Variants in MACROD2 observed in about 807,000 individuals in gnomAD.
MACROD2 encodes the protein ADP-ribose glycohydrolase MACROD2.
MACROD2 carries 36 observed loss-of-function variants against 70.4 expected under a neutral mutation model. The ratio of observed to expected loss-of-function variants is 0.51; its 90% CI spans 0.39 to 0.68. MACROD2 has a LOEUF of 0.68. Ranked by LOEUF, MACROD2 falls within the 30% of genes least tolerant of loss-of-function variation. The pLI is 0.00. For synonymous variants in MACROD2, 172 were observed against 178.8 expected, an observed-to-expected ratio of 0.96 and a Z score of 0.30; for missense variants, 496 against 538.4, an observed-to-expected ratio of 0.92 and a Z score of 0.78.
intron 3 of MACROD2, among the ~76,000 whole-genome samples, chr20:14,113,054 A>G (rs189576377): frequency 3.9e-5 from 6 of 152,112 alleles, no homozygotes; most frequent in Non-Finnish European, 8.8e-5. Flanking sequence ...GGTTTATTAA[A>G]CTTGGTGTTG....
At position 15,165,930 on chromosome 20, in the gene MACROD2, A is replaced by G. The variant is rs935840970; in HGVS notation, c.419-64010A>G. On this transcript the variant is annotated intron_variant, in intron 5 of 17. Transcript: ENST00000684519. ...TAAATGCAATGAAAAGGAAGAAACT[A>G]TGGATACATATTACAACATAGATGA... Among the ~76,000 whole-genome samples the G allele has an allele frequency of 2.6e-5, 4 of 152,198 alleles. No individual in the cohort carries two copies. The East Asian group carries it at 5.8e-4, about 22-fold the overall frequency.
chr20:15,737,451 A>G (rs2051039157), intron 8 of MACROD2, among the ~76,000 whole-genome samples: 1 of 152,236 alleles, frequency 6.6e-6, no homozygotes, highest in African/African-American at 2.4e-5. Flanking sequence ...TGCGTGTGCC[A>G]CATGCCAAGC....
At chr20:15,223,818 A>G (rs2076881746) in intron 5 of MACROD2, among the ~76,000 whole-genome samples, 1 of 152,210 alleles carries the variant, frequency 6.6e-6, no homozygotes, top group Non-Finnish European at 1.5e-5. Context: ...GGTGAGGTCT[A>G]GGTCCTTCCA....
Position 14,085,700 on chromosome 20 carries a change from G to A in MACROD2, c.243G>A (p.Leu81=). The A allele has an allele frequency of 6.4e-7, 1 of 1,563,508 alleles. No homozygotes were observed. The highest frequency in any genetic ancestry group is 1.3e-5 in the South Asian group (1 of 79,278). Residue 81 remains leucine, a synonymous_variant, in exon 3 of 18, where the codon TTG becomes TTA. Coordinates refer to ENST00000684519, the MANE Select transcript of MACROD2 (RefSeq NM_001351661.2). The part of the protein sequence containing the change: ...KVSLYRGDIT[L]LEVDAIVNAA... ...CTCTCTATAGAGGTGACATCACATT[G>A]CTAGAGGTAGATGCTATAGTCAATG...
At chr20:14,439,567 A>G (rs1170187209) in intron 3 of MACROD2, among the ~76,000 whole-genome samples, 1 of 152,184 alleles carries the variant, frequency 6.6e-6, no homozygotes, top group African/African-American at 2.4e-5. Context: ...GGTATGGATC[A>G]TAGGCTCCAG....
rs2050945694 is a variant in MACROD2, at chr20:15,731,740, C to G, written c.646-131005C>G. 3.9e-5 allele frequency among the ~76,000 whole-genome samples: 2 copies of G among 51,040 alleles called. 1 individual carries two copies. Among genetic ancestry groups the G allele is most frequent in the Non-Finnish European group, 1.1e-4 (2 of 18,686 alleles). The allele number at this position is 51,040 out of a possible 152,430, so 33.5% of individuals were successfully genotyped here. On this transcript the variant is annotated intron_variant, in intron 8 of 17. Coordinates refer to ENST00000684519, the MANE Select transcript of MACROD2 (RefSeq NM_001351661.2). ...GATACTGGCAGAAACGAGTTTGCAGCATTCTTTTTTTTCTTTTTATTTTTT... is the reference window on the plus strand; with the variant it reads ...GATACTGGCAGAAACGAGTTTGCAGGATTCTTTTTTTTCTTTTTATTTTTT...
At chr20:14,637,166 C>G (rs1482756687) in intron 4 of MACROD2, among the ~76,000 whole-genome samples, 1 of 152,144 alleles carries the variant, frequency 6.6e-6, no homozygotes, top group Non-Finnish European at 1.5e-5. Flanking sequence ...CAGAAAGATT[C>G]CATCAAACAC....
At chr20:15,591,059 A>G (rs1020922316) in intron 8 of MACROD2, among the ~76,000 whole-genome samples, 2 of 152,224 alleles carry the variant, frequency 1.3e-5, no homozygotes, top group African/African-American at 4.8e-5. Context: ...TTTCTTTTAC[A>G]GGAAATTGAC....
intron 8 of MACROD2, among the ~76,000 whole-genome samples, chr20:15,600,167 T>C (rs1232570400): frequency 6.6e-6 from 1 of 152,122 alleles, no homozygotes; most frequent in African/African-American, 2.4e-5. Context: ...ACTAAGCCAC[T>C]GGAGCAAGGC....
chr20:15,995,393 AG>A (rs1363406920), intron 15 of MACROD2, among the ~76,000 whole-genome samples: 5 of 150,924 alleles, frequency 3.3e-5, no homozygotes. Context: ...TCTGTCACCC[AG>A]GCTGGAGTGC....
Position 15,431,394 on chromosome 20 carries a change from T to C in MACROD2, c.541-11T>C. 7 of 1,609,186 alleles carry C rather than the reference T, an allele frequency of 4.4e-6. No homozygotes were observed. Among genetic ancestry groups the C allele is most frequent in the Non-Finnish European group, 6.0e-6 (7 of 1,176,154 alleles). On this transcript the variant is annotated splice_polypyrimidine_tract_variant and intron_variant, in intron 6 of 17. Transcript: ENST00000684519. ...TTAATATTCATTGTTATTTTTGTGG[T>C]TTATTCACAGGCATTTCCCTGCATC...
At chr20:15,345,326 G>A (rs4334556) in intron 6 of MACROD2, among the ~76,000 whole-genome samples, 27,373 of 152,100 alleles carry the variant, frequency 0.18, 2,726 homozygotes, top group Non-Finnish European at 0.23. Context: ...TACTGTCCTA[G>A]GTTCTTGTAT....
intron 5 of MACROD2, among the ~76,000 whole-genome samples, chr20:14,797,057 A>T (rs953318231): frequency 6.6e-6 from 1 of 151,826 alleles, no homozygotes; most frequent in Non-Finnish European, 1.5e-5. Context: ...AAAAATCTCG[A>T]TTTTATACTC....
At chr20:14,426,004 C>T (rs2122911511) in intron 3 of MACROD2, among the ~76,000 whole-genome samples, 1 of 152,052 alleles carries the variant, frequency 6.6e-6, no homozygotes, top group East Asian at 1.9e-4. Context: ...GTTTTTTCTC[C>T]TCTGGAAGCT....
chr20:14,950,556 C>A (rs967874357), intron 5 of MACROD2, among the ~76,000 whole-genome samples: 1 of 152,174 alleles, frequency 6.6e-6, no homozygotes, highest in African/African-American at 2.4e-5. Flanking sequence ...GAACTAGAGA[C>A]ATAGGCAAGC....
At chr20:15,280,267 A>AT (rs145676186) in intron 6 of MACROD2, among the ~76,000 whole-genome samples, 3,211 of 152,304 alleles carry the variant, frequency 0.021, 103 homozygotes, top group African/African-American at 0.071. Flanking sequence ...AAACAGAGCC[A>AT]TTTAAATGTG....
chr20:15,733,001 ATACAGGCC>A (rs1282551583), intron 8 of MACROD2, among the ~76,000 whole-genome samples: 4 of 152,166 alleles, frequency 2.6e-5, no homozygotes, highest in African/African-American at 9.7e-5. Context: ...TTCTTAATAG[ATACAGGCC>A]TATTCACATT....
chr20:15,251,833 A>T (rs1391731765), intron 6 of MACROD2, among the ~76,000 whole-genome samples: 1 of 152,204 alleles, frequency 6.6e-6, no homozygotes, highest in East Asian at 1.9e-4. Context: ...AAAAAATGTA[A>T]ATACATACCA....
intron 5 of MACROD2, among the ~76,000 whole-genome samples, chr20:14,988,903 A>T: frequency 6.6e-6 from 1 of 152,268 alleles, no homozygotes; most frequent in South Asian, 2.1e-4. Context: ...ATTGTTTAAT[A>T]TTTAAATTAT....
Sources: gnomAD v4.1 joint callset for allele counts (sites outside exome capture counted in the v4.1 genomes callset) on GRCh38, gnomAD v4.1.1 for gene constraint, MANE v1.5 for transcripts, NCBI Gene and HGNC (gene_info 2026-07-23, HGNC 2026-07-21) for gene names.